XKR4: variants seen among roughly 807,000 people sequenced by gnomAD.
XKR4 encodes XK related 4.
In XKR4, 12 loss-of-function variants were observed where a neutral mutation model predicts 53.9. The ratio of observed to expected loss-of-function variants is 0.22; its 90% CI spans 0.14 to 0.36. The LOEUF (loss-of-function observed/expected upper bound fraction) is 0.36, where lower values mean the gene tolerates loss of function less well. XKR4 is among the 10% of genes least tolerant of loss of function. XKR4 has a pLI of 1.00. For missense variants in XKR4, 799 were observed against 859.5 expected (o/e 0.93, Z 0.88); for synonymous variants, 354 against 362.4 (o/e 0.98, Z 0.26).
intron 2 of XKR4, among the ~76,000 whole-genome samples, chr8:55,362,032 G>T (rs996295223): frequency 2.6e-4 from 39 of 152,116 alleles, no homozygotes; most frequent in African/African-American, 8.9e-4. Context: ...GCCTCAATTT[G>T]CCCATGAATA....
Position 55,179,634 on chromosome 8 carries a change from GT to G in XKR4, c.806+76341del, listed in dbSNP as rs1817280902. Among the ~76,000 whole-genome samples the G allele has an allele frequency of 2.6e-5, 4 of 152,162 alleles. No homozygotes were observed. In the South Asian group the frequency reaches 8.3e-4, roughly 32 times the overall value. The stretch of plus-strand genomic sequence containing the variant: ...ATGCCAAAAGCACAACTAGCTTGAG[GT>G]AGAGTATTTATTCTCTATGTTCTCG... On this transcript the variant is annotated intron_variant, in intron 1 of 2. Coordinates refer to ENST00000327381, the MANE Select transcript of XKR4 (RefSeq NM_052898.2).
At chr8:55,415,541 G>GA (rs369128483) in intron 2 of XKR4, among the ~76,000 whole-genome samples, 3 of 151,298 alleles carry the variant, frequency 2.0e-5, no homozygotes, top group African/African-American at 4.8e-5. Context: ...TTTGGATAGA[G>GA]AAAAAAAAAT....
chr8:55,453,954 G>A (rs1805505800), intron 2 of XKR4: 4 of 689,844 alleles, frequency 5.8e-6, no homozygotes, highest in East Asian at 3.3e-5. Context: ...TCCTCCACCA[G>A]CCCACACTGG....
chr8:55,413,167 T>A (rs1291321121), intron 2 of XKR4, among the ~76,000 whole-genome samples: 2 of 152,222 alleles, frequency 1.3e-5, no homozygotes, highest in East Asian at 3.8e-4. Flanking sequence ...TGAGAAGAAA[T>A]GAAGACAAAG....
intron 2 of XKR4, among the ~76,000 whole-genome samples, chr8:55,418,191 GGATTA>G (rs1377908442): frequency 2.6e-5 from 4 of 152,132 alleles, no homozygotes; most frequent in Admixed American, 6.5e-5. Flanking sequence ...AGTGGCCATT[GGATTA>G]GACACAGGCT....
intron 1 of XKR4, among the ~76,000 whole-genome samples, chr8:55,200,291 C>G (rs1375491021): frequency 6.6e-6 from 1 of 152,318 alleles, no homozygotes; most frequent in Middle Eastern, 3.4e-3. Flanking sequence ...TGTCCTTGAA[C>G]TCCTGACTTC....
At chr8:55,283,320 A>G (rs1316780238) in intron 1 of XKR4, among the ~76,000 whole-genome samples, 2 of 152,202 alleles carry the variant, frequency 1.3e-5, no homozygotes, top group Non-Finnish European at 2.9e-5. Context: ...GGAATAGTGG[A>G]CATAGACTGA....
chr8:55,374,232 G>A (rs1454702240), intron 2 of XKR4, among the ~76,000 whole-genome samples: 1 of 152,172 alleles, frequency 6.6e-6, no homozygotes, highest in South Asian at 2.1e-4. Context: ...CATGCAGTGG[G>A]CACCTATCCA....
chr8:55,369,178 A>G (rs1804034242), intron 2 of XKR4, among the ~76,000 whole-genome samples: 1 of 151,760 alleles, frequency 6.6e-6, no homozygotes, highest in African/African-American at 2.4e-5. Flanking sequence ...CCTGAGCAAC[A>G]CAGCAAGACC....
chr8:55,487,329 A>G (rs1806207989), intron 2 of XKR4, among the ~76,000 whole-genome samples: 1 of 152,222 alleles, frequency 6.6e-6, no homozygotes, highest in African/African-American at 2.4e-5. Flanking sequence ...GCCCACAGTC[A>G]GTTGGCTGGT....
intron 1 of XKR4, among the ~76,000 whole-genome samples, chr8:55,225,179 C>T (rs4484672): frequency 0.37 from 55,532 of 152,056 alleles, 11,019 homozygotes; most frequent in Middle Eastern, 0.47. Context: ...CCCGATTTTA[C>T]AAACTTGAGT....
At chr8:55,400,954 C>A (rs1169017170) in intron 2 of XKR4, among the ~76,000 whole-genome samples, 1 of 152,158 alleles carries the variant, frequency 6.6e-6, no homozygotes, top group Non-Finnish European at 1.5e-5. Flanking sequence ...GTGGGAGAAG[C>A]CACAAATGGA....
intron 1 of XKR4, among the ~76,000 whole-genome samples, chr8:55,319,043 T>C (rs1803164810): frequency 6.6e-6 from 1 of 152,224 alleles, no homozygotes; most frequent in African/African-American, 2.4e-5. Context: ...TTGTTCATTT[T>C]CTTCTCTTTG....
At chr8:55,184,886 C>T (rs1335056088) in intron 1 of XKR4, among the ~76,000 whole-genome samples, 1 of 151,952 alleles carries the variant, frequency 6.6e-6, no homozygotes, top group Non-Finnish European at 1.5e-5. Flanking sequence ...TTAGTCACAG[C>T]ATAGTAATAT....
At chr8:55,475,403 GTTGTT>G (rs1805965659) in intron 2 of XKR4, among the ~76,000 whole-genome samples, 1 of 151,590 alleles carries the variant, frequency 6.6e-6, no homozygotes, top group African/African-American at 2.4e-5. Flanking sequence ...TGTTGTTGTT[GTTGTT>G]GTTGTTGTTA....
intron 2 of XKR4, chr8:55,451,363 C>G: frequency 1.5e-6 from 1 of 681,162 alleles, no homozygotes; most frequent in Non-Finnish European, 2.6e-6. Context: ...AATGTGACTC[C>G]CCACGTGGGC....
At chr8:55,179,356 G>A (rs569651096) in intron 1 of XKR4, among the ~76,000 whole-genome samples, 1 of 152,248 alleles carries the variant, frequency 6.6e-6, no homozygotes, top group Admixed American at 6.5e-5. Context: ...GTGCCGACAT[G>A]CAAGACTTCT....
intron 2 of XKR4, among the ~76,000 whole-genome samples, chr8:55,417,663 T>A (rs1804869948): frequency 6.6e-6 from 1 of 152,242 alleles, no homozygotes; most frequent in African/African-American, 2.4e-5. Flanking sequence ...CCGATTTCAA[T>A]TTAAAAGTGT....
At chr8:55,469,563 C>T (rs938253781) in intron 2 of XKR4, among the ~76,000 whole-genome samples, 1 of 152,042 alleles carries the variant, frequency 6.6e-6, no homozygotes, top group East Asian at 1.9e-4. Context: ...AAATCTGTAT[C>T]CTACTTCCAA....
Sources: allele counts gnomAD v4.1 joint callset (sites outside exome capture counted in the v4.1 genomes callset), GRCh38; gene constraint gnomAD v4.1.1; transcripts MANE v1.5; gene names NCBI Gene and HGNC (gene_info 2026-07-23, HGNC 2026-07-21).